Variants in KDM4C observed in about 807,000 individuals in gnomAD.
KDM4C encodes lysine-specific demethylase 4C.
KDM4C carries 81 observed loss-of-function variants against 129.3 expected under a neutral mutation model. The ratio of observed to expected loss-of-function variants is 0.63; its 90% CI spans 0.52 to 0.75. The LOEUF (loss-of-function observed/expected upper bound fraction) is 0.75. KDM4C is among the 30% of genes least tolerant of loss of function. The pLI is 0.00. For synonymous variants in KDM4C, 573 were observed against 456.1 expected, an observed-to-expected ratio of 1.26 and a Z score of -3.26; for missense variants, 1,457 against 1,304.0, an observed-to-expected ratio of 1.12 and a Z score of -1.81.
At chr9:6,880,369 C>T (rs1462854166) in intron 6 of KDM4C, among the ~76,000 whole-genome samples, 2 of 152,136 alleles carry the variant, frequency 1.3e-5, no homozygotes, top group Non-Finnish European at 2.9e-5. Context: ...TAATGTAATG[C>T]ATTCAACGTC....
intron 1 of KDM4C, among the ~76,000 whole-genome samples, chr9:6,742,694 T>TC (rs397697889): frequency 1.3e-4 from 19 of 151,246 alleles, no homozygotes; most frequent in Non-Finnish European, 5.9e-5. Context: ...TTTTTTTTTT[T>TC]AGAAGGAGTC....
chr9:6,724,465 A>G (rs1817057928), intron 1 of KDM4C, among the ~76,000 whole-genome samples: 1 of 152,196 alleles, frequency 6.6e-6, no homozygotes, highest in Non-Finnish European at 1.5e-5. Context: ...CTCAGCGAGC[A>G]TCCATTATTT....
chr9:6,940,807 T>A (rs2131391438), intron 8 of KDM4C, among the ~76,000 whole-genome samples: 1 of 152,342 alleles, frequency 6.6e-6, no homozygotes, highest in East Asian at 1.9e-4. Context: ...TTCATTTAAT[T>A]TAGGATAATG....
At chr9:6,798,686 A>C (rs930337615) in intron 2 of KDM4C, among the ~76,000 whole-genome samples, 2 of 151,956 alleles carry the variant, frequency 1.3e-5, no homozygotes, top group African/African-American at 4.8e-5. Flanking sequence ...TCTTTTCCCC[A>C]CCTTTCCCCC....
chr9:7,092,576 A>G (rs921333530), intron 17 of KDM4C, among the ~76,000 whole-genome samples: 2 of 152,184 alleles, frequency 1.3e-5, no homozygotes, highest in African/African-American at 4.8e-5. Flanking sequence ...ATATATATGT[A>G]GCTACACTTA....
intron 17 of KDM4C, among the ~76,000 whole-genome samples, chr9:7,089,667 CA>C (rs1056591795): frequency 6.6e-6 from 1 of 152,124 alleles, no homozygotes; most frequent in African/African-American, 2.4e-5. Flanking sequence ...CTTTCCAGTC[CA>C]AGTTACATGT....
chr9:7,046,853 TC>T lies in KDM4C; in HGVS notation c.2260-3del. 3 of 1,601,318 alleles carry T rather than the reference TC, an allele frequency of 1.9e-6. No individual in the cohort carries two copies. The highest frequency in any genetic ancestry group is 2.6e-6 in the Non-Finnish European group (3 of 1,168,880). On this transcript the variant is annotated splice_polypyrimidine_tract_variant and splice_region_variant and intron_variant, in intron 15 of 21. Transcript: ENST00000381309. ...CTGGTCATCATGTGGTATTTTCTTTTCCCCCCAGGAATGCTGTCTCTGCAAT... is the reference window on the plus strand; with the variant it reads ...CTGGTCATCATGTGGTATTTTCTTTTCCCCCAGGAATGCTGTCTCTGCAAT...
chr9:7,063,674 T>C (rs1457833787), intron 17 of KDM4C, among the ~76,000 whole-genome samples: 3 of 152,162 alleles, frequency 2.0e-5, no homozygotes, highest in African/African-American at 4.8e-5. Flanking sequence ...ATTGTAAAAA[T>C]GCAAAATGTA....
intron 1 of KDM4C, chr9:6,734,754 A>T: frequency 2.8e-6 from 1 of 361,788 alleles, no homozygotes; most frequent in Admixed American, 3.6e-5. Context: ...CTTGTATATA[A>T]GCCTCTCACC....
chr9:6,785,955 G>A (rs994143074), intron 1 of KDM4C, among the ~76,000 whole-genome samples: 2 of 152,194 alleles, frequency 1.3e-5, no homozygotes, highest in Non-Finnish European at 2.9e-5. Context: ...TCTAGCCAGA[G>A]ACATAGTCTG....
intron 8 of KDM4C, among the ~76,000 whole-genome samples, chr9:6,953,811 C>T (rs868569810): frequency 6.6e-6 from 1 of 152,186 alleles, no homozygotes. Flanking sequence ...TTCTCCCAAA[C>T]TTGAATGGTA....
At chr9:6,874,599 A>C (rs1465423941) in intron 5 of KDM4C, among the ~76,000 whole-genome samples, 1 of 152,196 alleles carries the variant, frequency 6.6e-6, no homozygotes, top group African/African-American at 2.4e-5. Context: ...GCTACAATTC[A>C]TGGAGCTAAA....
At chr9:7,037,862 G>A (rs1827919843) in intron 15 of KDM4C, among the ~76,000 whole-genome samples, 1 of 152,034 alleles carries the variant, frequency 6.6e-6, no homozygotes, top group Non-Finnish European at 1.5e-5. Flanking sequence ...TTGTTTTGGG[G>A]AACATTGGCT....
At chr9:6,854,774 G>C (rs905397103) in intron 5 of KDM4C, among the ~76,000 whole-genome samples, 10 of 152,178 alleles carry the variant, frequency 6.6e-5, no homozygotes, top group Non-Finnish European at 1.5e-4. Context: ...AATTATTCAG[G>C]ATAGATACAC....
upstream of KDM4C, among the ~76,000 whole-genome samples, chr9:6,755,301 G>A (rs1435357824): frequency 6.6e-6 from 1 of 152,188 alleles, no homozygotes; most frequent in Non-Finnish European, 1.5e-5. Flanking sequence ...AACCCAGGAG[G>A]CGGAGGTTGC....
intron 19 of KDM4C, among the ~76,000 whole-genome samples, chr9:7,147,918 C>T (rs1003844013): frequency 8.5e-5 from 13 of 152,208 alleles, no homozygotes; most frequent in South Asian, 4.1e-4. Context: ...CCGCTAGGCT[C>T]GTTCCGTCCA....
intron 8 of KDM4C, among the ~76,000 whole-genome samples, chr9:6,928,454 T>G (rs902891916): frequency 6.6e-6 from 1 of 152,242 alleles, no homozygotes; most frequent in Non-Finnish European, 1.5e-5. Flanking sequence ...GCTGCTTGCC[T>G]GGTTAGACCC....
chr9:6,937,094 G>A (rs1409338769), intron 8 of KDM4C, among the ~76,000 whole-genome samples: 1 of 152,124 alleles, frequency 6.6e-6, no homozygotes, highest in Non-Finnish European at 1.5e-5. Flanking sequence ...GTAAGTTATT[G>A]TAGTCAATCA....
intron 3 of KDM4C, 44 bp downstream of exon 3, chr9:6,805,818 A>G (rs1829866787): frequency 2.6e-6 from 4 of 1,540,692 alleles, no homozygotes; most frequent in East Asian, 4.6e-5. Context: ...TCAAAGATTT[A>G]TGTAAATATG....
Sources: allele counts gnomAD v4.1 joint callset (sites outside exome capture counted in the v4.1 genomes callset), GRCh38; gene constraint gnomAD v4.1.1; transcripts MANE v1.5; gene names NCBI Gene and HGNC (gene_info 2026-07-23, HGNC 2026-07-21).